RGR: variants seen among roughly 807,000 people sequenced by gnomAD.
The protein encoded by RGR is RPE-retinal G protein-coupled receptor.
In RGR, 30 loss-of-function variants were observed where a neutral mutation model predicts 28.6. That is an observed-to-expected ratio of 1.05 (90% confidence interval 0.78 to 1.42). The LOEUF is 1.42. Among genes scored for constraint, RGR ranks in the 40% most tolerant of loss-of-function variants. The pLI, the probability that RGR is intolerant of heterozygous loss-of-function variation, is 0.00. For synonymous variants in RGR, 180 were observed against 156.4 expected (o/e 1.15, Z -1.13); for missense variants, 404 against 375.6 (o/e 1.08, Z -0.62).
chr10:84,250,574 C>G (rs760105046), intron 3 of RGR: 8 of 669,390 alleles, frequency 1.2e-5, no homozygotes, highest in Admixed American at 4.1e-5. Context: ...CAGATAGCAA[C>G]AGGCTTCTCT....
chr10:84,252,790 C>A, intron 3 of RGR, 67 bp from the exon 4 acceptor site: 2 of 1,591,344 alleles, frequency 1.3e-6, no homozygotes, highest in Middle Eastern at 1.7e-4. Context: ...TCAGGAAGTC[C>A]ATTCTTTCTC....
rs1842782897 is a variant in RGR, at chr10:84,249,017, G to T, written c.332G>T (p.Trp111Leu). 6.2e-7 allele frequency: 1 copy of T among 1,613,956 alleles called. No individual in the cohort carries two copies. Among genetic ancestry groups the T allele is most frequent in the African/African-American group, 1.3e-5 (1 of 74,940 alleles). ...ASICSSAAIA[W>L]GRYHHYCTRS... ...ATCTGCAGCAGTGCAGCCATCGCATGGGGGCGTTATCACCACTACTGCACC... is the reference window on the plus strand; with the variant it reads ...ATCTGCAGCAGTGCAGCCATCGCATTGGGGCGTTATCACCACTACTGCACC... The change falls in exon 3 of 7, where the codon TGG becomes TTG. Residue 111 changes from tryptophan (W) to leucine (L), a missense_variant. Trp to Leu is a moderately conservative substitution (Grantham distance 61). Transcript: ENST00000652092.
chr10:84,251,666 C>T (rs1406803018), intron 3 of RGR, among the ~76,000 whole-genome samples: 1 of 152,202 alleles, frequency 6.6e-6, no homozygotes, highest in African/African-American at 2.4e-5. Context: ...ACCTCAGTCT[C>T]CTGACTAGCT....
chr10:84,254,229 CCCACAACCGAT>C, intron 4 of RGR, 86 bp from the exon 5 acceptor site: 1 of 1,061,108 alleles, frequency 9.4e-7, no homozygotes, highest in Non-Finnish European at 1.5e-6. Flanking sequence ...GGGGCATTTC[CCCACAACCGAT>C]CATCTAGGGC....
chr10:84,245,799 C>T (rs1486779280), intron 1 of RGR, among the ~76,000 whole-genome samples: 1 of 152,360 alleles, frequency 6.6e-6, no homozygotes, highest in South Asian at 2.1e-4. Flanking sequence ...CTGGAGGCAA[C>T]CTGGGTCTGC....
chr10:84,250,088 C>T (rs890454744), intron 3 of RGR, among the ~76,000 whole-genome samples: 3 of 152,176 alleles, frequency 2.0e-5, no homozygotes, highest in Admixed American at 1.3e-4. Flanking sequence ...TCAGCTAACC[C>T]TCCTAGCAAA....
At chr10:84,255,803 C>T (rs1589335735) in intron 5 of RGR, among the ~76,000 whole-genome samples, 1 of 147,754 alleles carries the variant, frequency 6.8e-6, no homozygotes, top group East Asian at 2.0e-4. Context: ...CGGCTCACCG[C>T]AACCTCCGCC....
rs754264032 is a variant in RGR, at chr10:84,258,681, C to T, written c.*42C>T. ...TGAGCCCCAGGCCAGGAGGCTGTTC[C>T]AGGAGTCCTGCCCAGCAGCCTCAGT... On this transcript the variant is annotated 3_prime_UTR_variant, in exon 7 of 7. Coordinates refer to ENST00000652092, the MANE Select transcript of RGR (RefSeq NM_001012720.2). 54 of 1,612,844 alleles carry T rather than the reference C, an allele frequency of 3.3e-5. No homozygotes were observed. In the South Asian group the frequency reaches 4.8e-4, roughly 14 times the overall value.
intron 4 of RGR, 46 bp from the exon 5 acceptor site, chr10:84,254,280 C>A: frequency 6.5e-7 from 1 of 1,537,728 alleles, no homozygotes; most frequent in Non-Finnish European, 9.0e-7. Flanking sequence ...GGGCAGCTGG[C>A]CATCCCTGAG....
intron 1 of RGR, among the ~76,000 whole-genome samples, chr10:84,245,576 C>T (rs1842737691): frequency 1.3e-5 from 2 of 152,220 alleles, no homozygotes; most frequent in South Asian, 4.1e-4. Flanking sequence ...GCTCTGCCTC[C>T]TGCTCTTGTG....
At chr10:84,250,538 AC>A (rs1842803456) in intron 3 of RGR, 1 of 692,430 alleles carries the variant, frequency 1.4e-6, no homozygotes, top group South Asian at 1.5e-5. Flanking sequence ...ACACACACAC[AC>A]ACACACACAC....
intron 5 of RGR, 44 bp downstream of exon 5, chr10:84,254,487 C>T: frequency 1.3e-6 from 2 of 1,490,744 alleles, no homozygotes; most frequent in Non-Finnish European, 9.4e-7. Context: ...TGCAGCGCAG[C>T]TCCAGGCTCT....
rs1842838830 is a variant in RGR at position 84,253,006 on chromosome 10, G to T, written c.508G>T (p.Asp170Tyr). 1 of 1,613,380 alleles carries T rather than the reference G, an allele frequency of 6.2e-7. No individual in the cohort carries two copies. Among genetic ancestry groups the T allele is most frequent in the Non-Finnish European group, 8.5e-7 (1 of 1,180,012 alleles). Residue 170 changes from aspartate (D) to tyrosine (Y), a missense_variant, in exon 4 of 7, where the codon GAC (aspartate) becomes TAC (tyrosine). Transcript: ENST00000652092. ...TCCTLDYSKG[D>Y]RNFTSFLFTM... ...CTGCACCCTGGACTACTCCAAGGGG[G>T]ACAGGTGAGGTGGGAGGAGCAGCTT...
rs1426295381 is a variant in RGR, at chr10:84,258,618, G to A, written c.855G>A (p.Arg285=). The A allele has an allele frequency of 1.2e-5, 20 of 1,614,046 alleles. No individual in the cohort carries two copies. The highest frequency in any genetic ancestry group is 1.6e-5 in the Non-Finnish European group (19 of 1,180,020). ...GIWQCLSPQK[R]EKDRTK ...GGCAGTGCCTCTCACCGCAGAAGAG[G>A]GAGAAGGACCGAACCAAGTGAGCCT... The change falls in exon 7 of 7, where the codon AGG becomes AGA. Residue 285 remains arginine, a synonymous_variant. Transcript: ENST00000652092.
At chr10:84,256,059 CTTTTTTTTTTTTTTTTTT>C (rs61441525) in intron 5 of RGR, among the ~76,000 whole-genome samples, 1 of 54,358 alleles carries the variant, frequency 1.8e-5, no homozygotes, top group African/African-American at 8.7e-5. Context: ...TTTTTCCTTT[CTTTTTTTTTTTTTTTTTT>C]TTTTTTTTTT....
rs745567392 is a variant in RGR at position 84,252,900 on chromosome 10, C to T, written c.402C>T (p.Phe134=). 8 of 1,614,002 alleles carry T rather than the reference C, an allele frequency of 5.0e-6. No homozygotes were observed. The highest frequency in any genetic ancestry group is 4.0e-5 in the African/African-American group (3 of 74,930). Reference sequence around the variant, plus strand: ...ACTCAGCCGTCTCTCTGGTGCTCTTCGTGTGGCTGTCTTCTGCCTTCTGGG... The same window carrying T: ...ACTCAGCCGTCTCTCTGGTGCTCTTTGTGTGGCTGTCTTCTGCCTTCTGGG... ...AWNSAVSLVL[F]VWLSSAFWAA... Residue 134 remains phenylalanine, a synonymous_variant, in exon 4 of 7, where the codon TTC becomes TTT. Transcript: ENST00000652092.
At chr10:84,251,096 A>G (rs1043679395) in intron 3 of RGR, among the ~76,000 whole-genome samples, 3 of 151,898 alleles carry the variant, frequency 2.0e-5, no homozygotes, top group Non-Finnish European at 4.4e-5. Flanking sequence ...TTAGCTGGGC[A>G]TGGTGGCATG....
At chr10:84,247,524 A>C (rs1262395754) in intron 1 of RGR, 67 bp from the exon 2 acceptor site, 1 of 1,584,466 alleles carries the variant, frequency 6.3e-7, no homozygotes, top group Non-Finnish European at 8.7e-7. Flanking sequence ...CATCCACCCC[A>C]CACACACTGT....
At position 84,254,369 on chromosome 10, in the gene RGR, G is replaced by A. The variant is rs1476804289; in HGVS notation, c.556G>A (p.Ala186Thr). Residue 186 changes from alanine to threonine, a missense_variant, in exon 5 of 7, where the codon GCC becomes ACC. Physicochemically the swap from Ala to Thr is moderately conservative, Grantham distance 58 (BLOSUM62 0). Transcript: ENST00000652092. ...CTTCACCATGTCCTTCTTCAACTTC[G>A]CCATGCCCCTCTTCATCACGATCAC... ...FLFTMSFFNF[A>T]MPLFITITSY... 10 of 1,614,062 alleles carry A rather than the reference G, an allele frequency of 6.2e-6. No homozygotes were observed. Among genetic ancestry groups the A allele is most frequent in the African/African-American group, 4.0e-5 (3 of 75,024 alleles).
Sources: allele counts gnomAD v4.1 joint callset (sites outside exome capture counted in the v4.1 genomes callset), GRCh38; gene constraint gnomAD v4.1.1; transcripts MANE v1.5; gene names NCBI Gene and HGNC (gene_info 2026-07-23, HGNC 2026-07-21).